The following HCCS variants were observed in gnomAD, a reference collection of about 807,000 sequenced individuals.
HCCS encodes holocytochrome c-type synthase.
In HCCS, 2 loss-of-function variants were observed where a neutral mutation model predicts 24.2. That is an observed-to-expected ratio of 0.08 (90% CI 0.03 to 0.26). The LOEUF is 0.26. HCCS is among the 10% of genes least tolerant of loss of function. The pLI is 1.00. For synonymous variants in HCCS, 73 were observed against 76.2 expected, an observed-to-expected ratio of 0.96 and a Z score of 0.22; for missense variants, 150 against 213.3, an observed-to-expected ratio of 0.70 and a Z score of 1.85.
At chrX:11,111,924 G>A in intron 1 of HCCS, 95 bp from the exon 2 acceptor site, 1 of 528,147 alleles carries the variant, frequency 1.9e-6, no homozygotes, top group South Asian at 2.5e-5. Context: ...ATGCCCATGG[G>A]ATGACAAAGA....
intron 3 of HCCS, among the ~76,000 whole-genome samples, chrX:11,115,860 C>T (rs745697066): frequency 1.2e-4 from 13 of 111,986 alleles, no homozygotes; most frequent in South Asian, 3.7e-4. Flanking sequence ...TGTCACACTA[C>T]CCAGTTCTGC....
chrX:11,116,555 G>C (rs1462211660), intron 3 of HCCS, among the ~76,000 whole-genome samples: 1 of 112,942 alleles, frequency 8.9e-6, no homozygotes, highest in Non-Finnish European at 1.9e-5. Context: ...GAAAGTTCAA[G>C]GCCAGTCATT....
chrX:11,117,036 A>G (rs1018903679), intron 3 of HCCS, among the ~76,000 whole-genome samples: 2 of 112,162 alleles, frequency 1.8e-5, no homozygotes, highest in Admixed American at 9.4e-5. Flanking sequence ...AGAGGCCAAA[A>G]ATTTAACCAC....
In HCCS at chrX:11,121,834, A is replaced by G. The variant is rs1166891612; in HGVS notation, c.*24A>G. ...AAAGCACTGTTTCAGATGGAAAAAT[A>G]TAAACTATTTTTTTCTGAGCGATAC... On this transcript the variant is annotated 3_prime_UTR_variant, in exon 7 of 7. Coordinates refer to ENST00000380762, the MANE Select transcript of HCCS (RefSeq NM_005333.5). 1 of 1,151,525 alleles carries G rather than the reference A, an allele frequency of 8.7e-7. No individual in the cohort carries two copies. 94.9% of individuals were successfully genotyped at this position (1,151,525 alleles called of 1,213,427 possible).
intron 3 of HCCS, 150 bp downstream of exon 3, chrX:11,115,136 T>G (rs2045438893): frequency 1.8e-6 from 1 of 559,097 alleles, no homozygotes; most frequent in African/African-American, 2.2e-5. Context: ...AAATCTAGAA[T>G]GTGTTAGTAA....
At chrX:11,115,648 G>T (rs2045442625) in intron 3 of HCCS, among the ~76,000 whole-genome samples, 1 of 112,112 alleles carries the variant, frequency 8.9e-6, no homozygotes, top group Admixed American at 9.4e-5. Context: ...AAGAAAGGGC[G>T]TGGGGGATAC....
chrX:11,120,173 G>T, intron 5 of HCCS: 1 of 203,334 alleles, frequency 4.9e-6, no homozygotes, highest in Non-Finnish European at 9.3e-6. Context: ...CAATATAGGT[G>T]GCCTGCTGAC....
At chrX:11,121,569 T>TAAA in intron 6 of HCCS, 43 bp from the exon 7 acceptor site, 1 of 1,076,883 alleles carries the variant, frequency 9.3e-7, no homozygotes, top group African/African-American at 1.8e-5. Context: ...GGACTGAATG[T>TAAA]ATTGCAAGCA....
intron 3 of HCCS, among the ~76,000 whole-genome samples, chrX:11,115,534 C>T (rs778787957): frequency 1.2e-3 from 136 of 111,626 alleles, no homozygotes; most frequent in Non-Finnish European, 2.0e-3. Flanking sequence ...CGTGTTTTAA[C>T]GGGAGGCTCA....
chrX:11,113,309 C>T (rs766303928), intron 2 of HCCS, among the ~76,000 whole-genome samples: 3 of 112,218 alleles, frequency 2.7e-5, no homozygotes, highest in East Asian at 2.8e-4. Flanking sequence ...TGTTTCTGCA[C>T]GAGAGAATAA....
chrX:11,121,787 G>T lies in HCCS; in HGVS notation c.784G>T (p.Ala262Ser). ...GGCAGTATGGGACAGAATGAAAGTC[G>T]CTTGGTGGCGTTGGACCTCGTAAAG... The part of the protein sequence containing the change: ...LSAVWDRMKV[A>S]WWRWTS The change falls in exon 7 of 7, where the codon GCT becomes TCT. Residue 262 changes from alanine to serine, a missense_variant. By Grantham distance (99) the Ala-to-Ser change is moderately conservative. This residue lies in a region of HCCS where 55 missense variants were observed against 134.2 expected (regional missense o/e 0.41). Transcript: ENST00000380762. 1 of 1,209,360 alleles carries T rather than the reference G, an allele frequency of 8.3e-7. No homozygotes were observed. Among genetic ancestry groups the T allele is most frequent in the Non-Finnish European group, 1.1e-6 (1 of 893,591 alleles).
chrX:11,115,063 A>T, intron 3 of HCCS, 77 bp downstream of exon 3: 1 of 812,366 alleles, frequency 1.2e-6, no homozygotes, highest in African/African-American at 2.0e-5. Flanking sequence ...CAAGTTGCAA[A>T]TGGCTAGGAT....
At chrX:11,118,915 G>A (rs1451521506) in intron 5 of HCCS, among the ~76,000 whole-genome samples, 1 of 111,837 alleles carries the variant, frequency 8.9e-6, no homozygotes, top group Non-Finnish European at 1.9e-5. Flanking sequence ...GATGGCTTCC[G>A]AGCCGTGGGC....
rs372832496 is a variant in HCCS at position 11,118,627 on chromosome X, A to G, written c.521+7A>G. The G allele has an allele frequency of 1.1e-4, 135 of 1,202,803 alleles. No individual in the cohort carries two copies. The highest frequency in any genetic ancestry group is 2.4e-4 in the Admixed American group (11 of 45,841). ...GGGAAGCCCTTCATGCTGCGTAAGTATGTTTGAGATCTTAAATGTTTCAAG... is the reference window on the plus strand; with the variant it reads ...GGGAAGCCCTTCATGCTGCGTAAGTGTGTTTGAGATCTTAAATGTTTCAAG... On this transcript the variant is annotated splice_region_variant and intron_variant, in intron 5 of 6. Transcript: ENST00000380762.
At position 11,113,978 on chromosome X, in the gene HCCS, C is replaced by T. The variant is rs927380790; in HGVS notation, c.101-857C>T. On this transcript the variant is annotated intron_variant, in intron 2 of 6. Coordinates refer to ENST00000380762, the MANE Select transcript of HCCS (RefSeq NM_005333.5). ...CTGCTGCTGCCTGAGGCCAAGATTC[C>T]ATTACATGAGCAGCTGTCTTCTGTG... Among the ~76,000 whole-genome samples the T allele has an allele frequency of 1.2e-4, 14 of 112,186 alleles. No homozygotes were observed. In the Admixed American group the frequency reaches 1.3e-3, roughly 11 times the overall value.
chrX:11,118,257 C>T (rs2045464281), intron 4 of HCCS: 1 of 412,979 alleles, frequency 2.4e-6, no homozygotes, highest in Admixed American at 3.0e-5. Flanking sequence ...TAAAATGAGA[C>T]TAAGGTGAAC....
Position 11,121,769 on chromosome X carries a change from T to A in HCCS, c.766T>A (p.Trp256Arg). Residue 256 changes from tryptophan to arginine, a missense_variant, in exon 7 of 7, where the codon TGG (tryptophan) becomes AGG (arginine). Transcript: ENST00000380762. ...TGCCTTAGATTCACTTTCGGCAGTATGGGACAGAATGAAAGTCGCTTGGTG... is the reference window on the plus strand; with the variant it reads ...TGCCTTAGATTCACTTTCGGCAGTAAGGGACAGAATGAAAGTCGCTTGGTG... The part of the protein sequence containing the change: ...RPALDSLSAV[W>R]DRMKVAWWRW... 1 of 1,211,328 alleles carries A rather than the reference T, an allele frequency of 8.3e-7. No homozygotes were observed. The highest frequency in any genetic ancestry group is 1.1e-6 in the Non-Finnish European group (1 of 895,014).
At chrX:11,115,156 C>G (rs894455844) in intron 3 of HCCS, among the ~76,000 whole-genome samples, 170 bp downstream of exon 3, 1 of 111,998 alleles carries the variant, frequency 8.9e-6, no homozygotes, top group African/African-American at 3.2e-5. Context: ...AGTGTAGTTT[C>G]AGGGAGTGCC....
At chrX:11,120,114 C>A (rs905166322) in intron 5 of HCCS, 2 of 265,566 alleles carry the variant, frequency 7.5e-6, no homozygotes, top group Admixed American at 4.4e-5. Flanking sequence ...AAATTTTTCT[C>A]CCTCCCACTT....
Sources: gnomAD v4.1 joint callset for allele counts (sites outside exome capture counted in the v4.1 genomes callset) on GRCh38, gnomAD v4.1.1 for gene constraint, gnomAD v4.1.1 regional missense constraint, MANE v1.5 for transcripts, NCBI Gene and HGNC (gene_info 2026-07-23, HGNC 2026-07-21) for gene names.